Variants in GABRA5 observed in about 807,000 individuals in gnomAD.
The protein encoded by GABRA5 is gamma-aminobutyric acid receptor subunit alpha-5.
Under a neutral mutation model 47.3 loss-of-function variants are expected in GABRA5, and 18 were observed. The observed-to-expected ratio is 0.38, with a 90% CI of 0.26 to 0.56. The LOEUF is 0.56. GABRA5 is among the 20% of genes least tolerant of loss of function. GABRA5 has a pLI of 0.71. For synonymous variants in GABRA5, 237 were observed against 229.3 expected (o/e 1.03, Z -0.30); for missense variants, 365 against 599.3 (o/e 0.61, Z 4.08).
At chr15:26,941,040 C>G (rs1595436863) in intron 9 of GABRA5, among the ~76,000 whole-genome samples, 1 of 152,354 alleles carries the variant, frequency 6.6e-6, no homozygotes, top group East Asian at 1.9e-4. Context: ...AATGCTCCCC[C>G]AGGGTGTAGG....
rs1184098186 is a variant in GABRA5 at position 26,883,296 on chromosome 15, C to T, written c.277-41C>T. ...TCCGCGCCGCAGGCCCCCGCCCAGG[C>T]CCCGTGCCCTCTGACTGCCTCGTGC... On this transcript the variant is annotated intron_variant, in intron 5 of 10. Coordinates refer to ENST00000335625, the MANE Select transcript of GABRA5 (RefSeq NM_000810.4). This position sits in a 1 kb window ranked among gnomAD's most constrained non-coding sequence, Gnocchi z 4.8. 1.9e-6 allele frequency: 3 copies of T among 1,610,920 alleles called. No homozygotes were observed. The highest frequency in any genetic ancestry group is 2.5e-6 in the Non-Finnish European group (3 of 1,177,230).
At chr15:26,923,987 T>C (rs1396376819) in intron 7 of GABRA5, among the ~76,000 whole-genome samples, 1 of 152,082 alleles carries the variant, frequency 6.6e-6, no homozygotes, top group East Asian at 1.9e-4. Context: ...ATGTTTGTAC[T>C]TGGTCGTTGC....
intron 6 of GABRA5, among the ~76,000 whole-genome samples, chr15:26,893,025 G>A (rs1029392135): frequency 5.3e-5 from 8 of 151,120 alleles, no homozygotes; most frequent in Non-Finnish European, 3.0e-5. Context: ...TTTATGGTGC[G>A]TTTGTATGTA....
intron 6 of GABRA5, among the ~76,000 whole-genome samples, chr15:26,904,326 C>A (rs554980611): frequency 1.9e-4 from 29 of 152,208 alleles, no homozygotes; most frequent in African/African-American, 6.5e-4. Flanking sequence ...ATCTATGCAG[C>A]TATTTTTGTA....
At chr15:26,907,135 C>T (rs1893463798) in intron 6 of GABRA5, among the ~76,000 whole-genome samples, 1 of 152,160 alleles carries the variant, frequency 6.6e-6, no homozygotes, top group South Asian at 2.1e-4. Flanking sequence ...TAAAATAATT[C>T]ATGAAATCTG....
chr15:26,882,267 G>A (rs1245336161), intron 4 of GABRA5, among the ~76,000 whole-genome samples: 4 of 152,096 alleles, frequency 2.6e-5, no homozygotes, highest in South Asian at 4.1e-4. Flanking sequence ...AAAGCCTCCC[G>A]GGCCACCCTG....
intron 6 of GABRA5, among the ~76,000 whole-genome samples, chr15:26,912,958 A>C (rs1335951687): frequency 6.6e-6 from 1 of 152,180 alleles, no homozygotes; most frequent in Non-Finnish European, 1.5e-5. Context: ...CGAGGCTGGC[A>C]GATCACCTGA....
intron 7 of GABRA5, among the ~76,000 whole-genome samples, chr15:26,930,895 C>CTTTTTTT (rs555799476): frequency 2.1e-4 from 24 of 115,034 alleles, no homozygotes; most frequent in African/African-American, 6.8e-4. Flanking sequence ...TCTTTCTTTT[C>CTTTTTTT]TTTTTTTTTT....
At chr15:26,874,939 G>A (rs1376059486) in intron 3 of GABRA5, among the ~76,000 whole-genome samples, 1 of 152,242 alleles carries the variant, frequency 6.6e-6, no homozygotes, top group East Asian at 1.9e-4. Context: ...ACAGAGGGCA[G>A]TGTAGCTGCC....
chr15:26,913,539 C>T (rs1418699953), intron 6 of GABRA5, among the ~76,000 whole-genome samples: 1 of 152,136 alleles, frequency 6.6e-6, no homozygotes, highest in African/African-American at 2.4e-5. Context: ...CAGCGACATT[C>T]AGTCTTATAT....
chr15:26,895,413 G>T (rs1179856737), intron 6 of GABRA5, among the ~76,000 whole-genome samples: 1 of 152,036 alleles, frequency 6.6e-6, no homozygotes, highest in African/African-American at 2.4e-5. Flanking sequence ...TATTCTGCTT[G>T]GGGTGCAATC....
chr15:26,901,504 G>C (rs557313827), intron 6 of GABRA5, among the ~76,000 whole-genome samples: 2 of 151,992 alleles, frequency 1.3e-5, no homozygotes, highest in African/African-American at 4.8e-5. Context: ...TTTTAATTGG[G>C]TTGTTTTCTT....
At chr15:26,908,626 G>A (rs7170514) in intron 6 of GABRA5, among the ~76,000 whole-genome samples, 9,427 of 152,166 alleles carry the variant, frequency 0.062, 964 homozygotes, top group African/African-American at 0.22. Flanking sequence ...ATTAAGCCTT[G>A]TTTCTTTTCT....
intron 6 of GABRA5, among the ~76,000 whole-genome samples, chr15:26,895,443 T>C (rs1157988577): frequency 6.6e-6 from 1 of 152,068 alleles, no homozygotes. Context: ...TCACTAACAG[T>C]GTGACTTGGG....
Position 26,867,591 on chromosome 15 carries a change from C to A in GABRA5, c.-140+480C>A, listed in dbSNP as rs560097294. ...ACCCTGGCGACTGCGGGGCTGAAGC[C>A]GGGCGCGGGAGAGAGCGGGGTCCGG... On this transcript the variant is annotated intron_variant, in intron 1 of 10. Coordinates refer to ENST00000335625, the MANE Select transcript of GABRA5 (RefSeq NM_000810.4). The surrounding 1 kb of genome is among the most constrained non-coding windows in gnomAD (Gnocchi z 5.9). Among the ~76,000 whole-genome samples, 1 of 152,000 alleles carries A rather than the reference C, an allele frequency of 6.6e-6. No homozygotes were observed. The highest frequency in any genetic ancestry group is 2.0e-4 in the East Asian group (1 of 5,066).
chr15:26,927,594 T>G (rs1272256327), intron 7 of GABRA5, among the ~76,000 whole-genome samples: 5 of 152,212 alleles, frequency 3.3e-5, no homozygotes, highest in African/African-American at 1.2e-4. Flanking sequence ...CTCAGTTATA[T>G]GATTTCAGCT....
chr15:26,883,458 C>G lies in GABRA5; in HGVS notation c.398C>G (p.Thr133Arg). Residue 133 changes from threonine (T) to arginine (R), a missense_variant, in exon 6 of 11, where the codon ACG becomes AGG. By Grantham distance (71) the Thr-to-Arg change is moderately conservative. Transcript: ENST00000335625. This position sits in a 1 kb window ranked among gnomAD's most constrained non-coding sequence, Gnocchi z 4.8. ...LLASKIWTPD[T>R]FFHNGKKSIA... ...GCCAGCAAGATCTGGACCCCAGACA[C>G]GTTCTTCCACAACGGGAAGAAGTCC... 1 of 1,614,184 alleles carries G rather than the reference C, an allele frequency of 6.2e-7. No individual in the cohort carries two copies. Among genetic ancestry groups the G allele is most frequent in the Non-Finnish European group, 8.5e-7 (1 of 1,180,018 alleles).
intron 7 of GABRA5, among the ~76,000 whole-genome samples, chr15:26,932,845 A>G (rs1894141452): frequency 6.6e-6 from 1 of 152,210 alleles, no homozygotes; most frequent in South Asian, 2.1e-4. Context: ...TAACACAGGA[A>G]CAGAAAATTA....
At chr15:26,881,046 G>C in intron 4 of GABRA5, 79 bp downstream of exon 4, 1 of 1,472,720 alleles carries the variant, frequency 6.8e-7, no homozygotes, top group Admixed American at 2.3e-5. Flanking sequence ...TGTTTGCGCT[G>C]ATTCAAACAA....
Sources: allele counts gnomAD v4.1 joint callset (sites outside exome capture counted in the v4.1 genomes callset), GRCh38; gene constraint gnomAD v4.1.1; non-coding constraint Gnocchi (gnomAD v3.1); transcripts MANE v1.5; gene names NCBI Gene and HGNC (gene_info 2026-07-23, HGNC 2026-07-21).